Variants in FNDC3B observed in about 807,000 individuals in gnomAD.
FNDC3B encodes fibronectin type III domain containing 3B.
Under a neutral mutation model 151.5 loss-of-function variants are expected in FNDC3B, and 12 were observed. The observed-to-expected ratio is 0.08, with a 90% CI of 0.05 to 0.13. The LOEUF (loss-of-function observed/expected upper bound fraction) is 0.13. FNDC3B is among the 10% of genes least tolerant of loss of function. The pLI is 1.00. For missense variants in FNDC3B, 1,214 were observed against 1,505.3 expected, an observed-to-expected ratio of 0.81 and a Z score of 3.20; for synonymous variants, 528 against 549.0, an observed-to-expected ratio of 0.96 and a Z score of 0.54.
intron 1 of FNDC3B, among the ~76,000 whole-genome samples, chr3:172,053,056 T>G (rs1371715101): frequency 6.6e-6 from 1 of 152,234 alleles, no homozygotes; most frequent in African/African-American, 2.4e-5. Context: ...CCAGGCATTT[T>G]CATGTAAATA....
chr3:172,186,302 C>G (rs951083167), intron 3 of FNDC3B, among the ~76,000 whole-genome samples: 3 of 152,188 alleles, frequency 2.0e-5, no homozygotes, highest in Non-Finnish European at 2.9e-5. Flanking sequence ...AAGTGCTTTT[C>G]TCCTCACCCT....
chr3:172,153,012 T>C (rs559695570), intron 3 of FNDC3B, among the ~76,000 whole-genome samples: 19 of 152,252 alleles, frequency 1.2e-4, no homozygotes, highest in African/African-American at 4.3e-4. Flanking sequence ...AAAAGGCCTG[T>C]AGTGACCACT....
In FNDC3B at chr3:172,395,036, A is replaced by G. The variant is rs1736205767; in HGVS notation, c.3304-2128A>G. On this transcript the variant is annotated intron_variant, in intron 25 of 25. Transcript: ENST00000415807. Reference sequence around the variant, plus strand: ...AAAGAAAGTGTTTGACAAAATTGACAAGTTTATTGCTGGGTTATTTTTCAG... The same window carrying G: ...AAAGAAAGTGTTTGACAAAATTGACGAGTTTATTGCTGGGTTATTTTTCAG... Among the ~76,000 whole-genome samples the G allele has an allele frequency of 2.0e-5, 3 of 152,142 alleles. 1 individual carries two copies. Among genetic ancestry groups the G allele is most frequent in the Non-Finnish European group, 4.4e-5 (3 of 68,018 alleles).
intron 7 of FNDC3B, among the ~76,000 whole-genome samples, chr3:172,287,652 C>A (rs1730097024): frequency 6.6e-6 from 1 of 152,198 alleles, no homozygotes; most frequent in African/African-American, 2.4e-5. Context: ...TCCATAGTCG[C>A]TTCTTAATCA....
chr3:172,263,804 T>C (rs1306214449), intron 6 of FNDC3B, among the ~76,000 whole-genome samples: 1 of 152,132 alleles, frequency 6.6e-6, no homozygotes, highest in Non-Finnish European at 1.5e-5. Context: ...ATCTACAACA[T>C]TACGCATGAG....
At chr3:172,070,577 C>G (rs1300139798) in intron 1 of FNDC3B, among the ~76,000 whole-genome samples, 1 of 152,236 alleles carries the variant, frequency 6.6e-6, no homozygotes, top group African/African-American at 2.4e-5. Flanking sequence ...CGGCTACTGA[C>G]TGTGAAACTA....
In FNDC3B at chr3:172,372,860, A is replaced by T. The variant is rs73880156; in HGVS notation, c.3009-5410A>T. ...GAGGTTTTACCAACATAAATATTGC[A>T]TTGACTCTTAAAACAATCTACGAGG... On this transcript the variant is annotated intron_variant, in intron 23 of 25. Transcript: ENST00000415807. Among the ~76,000 whole-genome samples the T allele has an allele frequency of 5.8e-3, 877 of 152,290 alleles. 7 individuals are homozygous for T. Among genetic ancestry groups the T allele is most frequent in the African/African-American group, 0.02 (846 of 41,556 alleles).
At chr3:172,115,271 G>A (rs1720189239) in intron 2 of FNDC3B, among the ~76,000 whole-genome samples, 1 of 152,170 alleles carries the variant, frequency 6.6e-6, no homozygotes, top group South Asian at 2.1e-4. Flanking sequence ...TTGAACCCAG[G>A]TGAAGGCACA....
At chr3:172,109,747 C>T (rs1719866735) in intron 1 of FNDC3B, among the ~76,000 whole-genome samples, 1 of 152,208 alleles carries the variant, frequency 6.6e-6, no homozygotes. Flanking sequence ...AACCACTGAA[C>T]ACTGTATGAG....
chr3:172,132,012 A>C (rs1449401589), intron 2 of FNDC3B, among the ~76,000 whole-genome samples: 5 of 152,256 alleles, frequency 3.3e-5, no homozygotes, highest in Non-Finnish European at 7.3e-5. Flanking sequence ...GGAAAGGCAG[A>C]CACTAACATA....
chr3:172,357,574 T>C (rs935537391), intron 22 of FNDC3B, among the ~76,000 whole-genome samples: 1 of 152,212 alleles, frequency 6.6e-6, no homozygotes, highest in South Asian at 2.1e-4. Flanking sequence ...TCACTGGAAT[T>C]AGGAAATTAT....
At chr3:172,046,722 G>A (rs571223279) in intron 1 of FNDC3B, among the ~76,000 whole-genome samples, 1 of 152,188 alleles carries the variant, frequency 6.6e-6, no homozygotes, top group Non-Finnish European at 1.5e-5. Flanking sequence ...TTGAGTCACA[G>A]TGTTATTTGA....
intron 23 of FNDC3B, among the ~76,000 whole-genome samples, chr3:172,368,242 CT>C (rs1734723234): frequency 6.9e-6 from 1 of 145,216 alleles, no homozygotes; most frequent in Non-Finnish European, 1.5e-5. Flanking sequence ...TACACTACAG[CT>C]TGGGCAACAG....
intron 23 of FNDC3B, among the ~76,000 whole-genome samples, chr3:172,376,842 G>A (rs1302401214): frequency 6.8e-6 from 1 of 146,674 alleles, no homozygotes; most frequent in African/African-American, 2.5e-5. Flanking sequence ...ACTCTGACAG[G>A]CTTTGTTAAA....
At chr3:172,235,031 G>A (rs1665847393) in intron 4 of FNDC3B, among the ~76,000 whole-genome samples, 2 of 151,992 alleles carry the variant, frequency 1.3e-5, no homozygotes. Flanking sequence ...TGACAGACTG[G>A]GGAAGCCTTT....
chr3:172,055,163 C>T (rs1716851821), intron 1 of FNDC3B, among the ~76,000 whole-genome samples: 1 of 152,136 alleles, frequency 6.6e-6, no homozygotes, highest in Non-Finnish European at 1.5e-5. Flanking sequence ...AAAAAATCCT[C>T]CTTCTTTTAA....
intron 17 of FNDC3B, 72 bp downstream of exon 17, chr3:172,341,303 C>A: frequency 9.4e-7 from 1 of 1,061,936 alleles, no homozygotes; most frequent in Non-Finnish European, 1.5e-6. Context: ...ACATCAGAAG[C>A]AAATTGCAGT....
intron 3 of FNDC3B, among the ~76,000 whole-genome samples, chr3:172,167,696 A>G (rs1199773664): frequency 6.6e-6 from 1 of 152,172 alleles, no homozygotes; most frequent in Non-Finnish European, 1.5e-5. Context: ...ACACAGCAGG[A>G]GGTGAGTGGC....
At chr3:172,140,814 C>T (rs528799243) in intron 3 of FNDC3B, among the ~76,000 whole-genome samples, 1 of 152,278 alleles carries the variant, frequency 6.6e-6, no homozygotes, top group African/African-American at 2.4e-5. Context: ...CTGCTTCCTG[C>T]CTTTCTCCTT....
Sources: gnomAD v4.1 joint callset for allele counts (sites outside exome capture counted in the v4.1 genomes callset) on GRCh38, gnomAD v4.1.1 for gene constraint, MANE v1.5 for transcripts, NCBI Gene and HGNC (gene_info 2026-07-23, HGNC 2026-07-21) for gene names.